Variants in ZNF366 observed in about 807,000 individuals in gnomAD.
ZNF366 encodes zinc finger protein 366.
ZNF366 carries 20 observed loss-of-function variants against 47.2 expected under a neutral mutation model. The ratio of observed to expected loss-of-function variants is 0.42; its 90% CI spans 0.30 to 0.62. The LOEUF (loss-of-function observed/expected upper bound fraction) is 0.62. Ranked by LOEUF, ZNF366 falls within the 20% of genes least tolerant of loss-of-function variation. The pLI, the probability that ZNF366 is intolerant of heterozygous loss-of-function variation, is 0.16. For missense variants in ZNF366, 987 were observed against 976.3 expected (o/e 1.01, Z -0.15); for synonymous variants, 421 against 395.1 (o/e 1.07, Z -0.78).
chr5:72,496,022 AG>A (rs1744105097), intron 1 of ZNF366, among the ~76,000 whole-genome samples: 1 of 152,152 alleles, frequency 6.6e-6, no homozygotes, highest in South Asian at 2.1e-4. Context: ...GTAGAATTAA[AG>A]TACCTTGGCC....
intron 1 of ZNF366, among the ~76,000 whole-genome samples, chr5:72,479,038 C>T (rs932953959): frequency 1.3e-5 from 2 of 152,248 alleles, no homozygotes; most frequent in African/African-American, 4.8e-5. Context: ...CAAATGGGCT[C>T]TTCCTCCTGA....
chr5:72,453,021 A>G (rs1743106404), intron 3 of ZNF366, among the ~76,000 whole-genome samples: 1 of 152,194 alleles, frequency 6.6e-6, no homozygotes, highest in Admixed American at 6.5e-5. Flanking sequence ...ACTTTTTTAT[A>G]AGGAAAAAAA....
chr5:72,504,701 C>T (rs1451642075), intron 1 of ZNF366, among the ~76,000 whole-genome samples: 1 of 151,986 alleles, frequency 6.6e-6, no homozygotes, highest in Non-Finnish European at 1.5e-5. Context: ...ATAGGAGACT[C>T]ATTCTGTTCT....
In ZNF366 at chr5:72,443,943, AG is replaced by A. The variant is rs1344965547; in HGVS notation, c.2047del (p.Ala685GlnfsTer43). The A allele has an allele frequency of 6.2e-7, 1 of 1,614,120 alleles. No individual in the cohort carries two copies. Among genetic ancestry groups the A allele is most frequent in the Admixed American group, 1.7e-5 (1 of 60,022 alleles). On this transcript the variant is annotated frameshift_variant, in exon 5 of 5. Transcript: ENST00000318442. LOFTEE classifies it high-confidence loss of function. ...GEWEKRSKGD[L>X]GAEGGQERDC... The stretch of plus-strand genomic sequence containing the variant: ...TCTCTCCTGGCCGCCCTCTGCCCCA[AG>A]GTCACCCTTGCTCCTCTTCTCCCAT...
intron 1 of ZNF366, among the ~76,000 whole-genome samples, chr5:72,470,481 GCCTATCACAAT>G (rs1448175640): frequency 6.6e-6 from 1 of 152,180 alleles, no homozygotes; most frequent in African/African-American, 2.4e-5. Flanking sequence ...CTTCTCTGAA[GCCTATCACAAT>G]TGTTGGATGT....
At chr5:72,463,613 G>A (rs935901411) in intron 1 of ZNF366, among the ~76,000 whole-genome samples, 6 of 152,206 alleles carry the variant, frequency 3.9e-5, no homozygotes, top group African/African-American at 1.4e-4. Flanking sequence ...GGCAATTGTA[G>A]GAAGTGACAA....
At chr5:72,458,161 T>C (rs1054282760) in intron 2 of ZNF366, among the ~76,000 whole-genome samples, 1 of 151,730 alleles carries the variant, frequency 6.6e-6, no homozygotes, top group Admixed American at 6.6e-5. Context: ...GAACTACAGG[T>C]ACCCGCCACC....
chr5:72,445,612 G>A (rs1742943698), intron 4 of ZNF366, among the ~76,000 whole-genome samples: 1 of 152,190 alleles, frequency 6.6e-6, no homozygotes, highest in Admixed American at 6.5e-5. Context: ...TATTTTTCCA[G>A]AACAACAGAG....
At chr5:72,494,057 C>T (rs1744066639) in intron 1 of ZNF366, among the ~76,000 whole-genome samples, 1 of 151,822 alleles carries the variant, frequency 6.6e-6, no homozygotes, top group Non-Finnish European at 1.5e-5. Flanking sequence ...AGGAGTGAGC[C>T]CCTACACCCA....
At chr5:72,479,663 G>T (rs1743752817) in intron 1 of ZNF366, among the ~76,000 whole-genome samples, 1 of 152,120 alleles carries the variant, frequency 6.6e-6, no homozygotes, top group Non-Finnish European at 1.5e-5. Flanking sequence ...AAACTTTTTT[G>T]GGGCTAGTTT....
At chr5:72,484,970 G>A (rs1404353887) in intron 1 of ZNF366, among the ~76,000 whole-genome samples, 1 of 152,142 alleles carries the variant, frequency 6.6e-6, no homozygotes, top group Non-Finnish European at 1.5e-5. Flanking sequence ...AAATGTGTGT[G>A]GCTTGATGGT....
chr5:72,499,193 C>A (rs539986653), intron 1 of ZNF366, among the ~76,000 whole-genome samples: 1 of 152,350 alleles, frequency 6.6e-6, no homozygotes, highest in East Asian at 1.9e-4. Context: ...GAACTCTCTG[C>A]CCCTGGAGAC....
At chr5:72,497,770 G>T (rs1744141900) in intron 1 of ZNF366, among the ~76,000 whole-genome samples, 1 of 152,130 alleles carries the variant, frequency 6.6e-6, no homozygotes, top group Admixed American at 6.5e-5. Flanking sequence ...AGAGATAAGT[G>T]TGTTAACAAA....
chr5:72,458,382 G>A (rs1743234173), intron 2 of ZNF366, among the ~76,000 whole-genome samples: 1 of 152,198 alleles, frequency 6.6e-6, no homozygotes, highest in Non-Finnish European at 1.5e-5. Context: ...AAACCAAGGA[G>A]ACGTTTCTGC....
chr5:72,456,682 C>G lies in ZNF366; in HGVS notation c.1333-87G>C, dbSNP rs571574034. 4 of 1,329,952 alleles carry G rather than the reference C, an allele frequency of 3.0e-6. No homozygotes were observed. The African/African-American group carries it at 4.3e-5, about 14-fold the overall frequency. 82.4% of individuals were successfully genotyped at this position (1,329,952 alleles called of 1,614,324 possible). Reference sequence around the variant, plus strand: ...ATAGGCTTCATTTTCCTCTCTGCCACATAAATCCACAAAGAGCTTGGTGAT... The same window carrying G: ...ATAGGCTTCATTTTCCTCTCTGCCAGATAAATCCACAAAGAGCTTGGTGAT... On this transcript the variant is annotated intron_variant, in intron 2 of 4. Coordinates refer to ENST00000318442, the MANE Select transcript of ZNF366 (RefSeq NM_152625.3).
intron 2 of ZNF366, among the ~76,000 whole-genome samples, chr5:72,458,019 T>TC (rs1372077258): frequency 2.1e-5 from 3 of 141,758 alleles, no homozygotes; most frequent in African/African-American, 7.9e-5. Context: ...TTTCTTTTTT[T>TC]TTTTTTTTTT....
rs4267851 is a variant in ZNF366 at position 72,443,719 on chromosome 5, C to G, written c.*37G>C. 1,378,204 of 1,581,434 alleles carry G rather than the reference C, an allele frequency of 0.87. 602,122 individuals carry two copies. The highest frequency in any genetic ancestry group is 0.97 in the East Asian group (43,059 of 44,582). On this transcript the variant is annotated 3_prime_UTR_variant, in exon 5 of 5. Coordinates refer to ENST00000318442, the MANE Select transcript of ZNF366 (RefSeq NM_152625.3). Reference sequence around the variant, plus strand: ...CAGAAAGCTATATTTGAACTGCCTCCTTCTCATTTTCCAAATGTAATTTTA... The same window carrying G: ...CAGAAAGCTATATTTGAACTGCCTCGTTCTCATTTTCCAAATGTAATTTTA...
At chr5:72,493,943 T>C (rs1744061280) in intron 1 of ZNF366, among the ~76,000 whole-genome samples, 3 of 88,540 alleles carry the variant, frequency 3.4e-5, no homozygotes, top group Admixed American at 1.2e-4. Flanking sequence ...TTTTTTTTTT[T>C]CATATTTTTA....
chr5:72,479,347 G>A (rs1252338228), intron 1 of ZNF366, among the ~76,000 whole-genome samples: 2 of 152,022 alleles, frequency 1.3e-5, no homozygotes, highest in Non-Finnish European at 2.9e-5. Context: ...AGGATGGCTT[G>A]AGCCTAGGAG....
Sources: allele counts gnomAD v4.1 joint callset (sites outside exome capture counted in the v4.1 genomes callset), GRCh38; gene constraint gnomAD v4.1.1; transcripts MANE v1.5; gene names NCBI Gene and HGNC (gene_info 2026-07-23, HGNC 2026-07-21).